The following ARID4A variants were observed in gnomAD, a reference collection of about 807,000 sequenced individuals.
The protein encoded by ARID4A is AT-rich interactive domain-containing protein 4A.
In ARID4A, 39 loss-of-function variants were observed where a neutral mutation model predicts 148.6. The observed-to-expected ratio is 0.26, with a 90% CI of 0.20 to 0.34. ARID4A has a LOEUF of 0.34. ARID4A is among the 10% of genes least tolerant of loss of function. ARID4A has a pLI of 1.00. For missense variants in ARID4A, 1,265 were observed against 1,449.1 expected (o/e 0.87, Z 2.06); for synonymous variants, 475 against 481.2 (o/e 0.99, Z 0.17).
In ARID4A at chr14:58,306,110, T is replaced by G. The variant is rs780349272; in HGVS notation, c.272T>G (p.Val91Gly). 6.2e-7 allele frequency: 1 copy of G among 1,609,224 alleles called. No homozygotes were observed. The highest frequency in any genetic ancestry group is 8.5e-7 in the Non-Finnish European group (1 of 1,175,884). The change falls in exon 5 of 24, where the codon GTG (valine) becomes GGG (glycine). Residue 91 changes from valine (V) to glycine (G), a missense_variant and splice_region_variant. Around this residue, in one of 9 missense-constraint regions of ARID4A, gnomAD observed 21 missense variants for 36.5 expected, o/e 0.58. Coordinates refer to ENST00000355431, the MANE Select transcript of ARID4A (RefSeq NM_002892.4). ...TTGACAGATGCTAGTTGGTATACCG[T>G]GGGTAAGTAATTAAGTAATTTAACA... is the stretch of plus-strand genomic sequence containing the variant. ...SKLTDASWYT[V>G]VFDDGDERTL...
intron 22 of ARID4A, 105 bp from the exon 23 acceptor site, chr14:58,366,778 A>T: frequency 1.1e-6 from 1 of 895,918 alleles, no homozygotes; most frequent in Non-Finnish European, 1.6e-6. Flanking sequence ...ATTTTAATAA[A>T]CTAAAGCTTT....
intron 5 of ARID4A, among the ~76,000 whole-genome samples, chr14:58,311,788 A>G (rs930258709): frequency 1.6e-4 from 25 of 152,198 alleles, no homozygotes; most frequent in African/African-American, 5.5e-4. Flanking sequence ...ATTTCTTACA[A>G]CATGGTTGAA....
chr14:58,327,502 C>G (rs543536413), intron 8 of ARID4A, among the ~76,000 whole-genome samples: 6 of 151,054 alleles, frequency 4.0e-5, no homozygotes, highest in Middle Eastern at 3.4e-3. Context: ...AAAAAGGTAA[C>G]ATAGATTTTT....
At chr14:58,302,834 C>T (rs1169756901) in intron 3 of ARID4A, among the ~76,000 whole-genome samples, 1 of 152,020 alleles carries the variant, frequency 6.6e-6, no homozygotes, top group African/African-American at 2.4e-5. Context: ...GTGGCAGGCA[C>T]CTGTGGTCCC....
chr14:58,347,160 G>A (rs1420696086), intron 14 of ARID4A, 43 bp downstream of exon 14: 3 of 1,099,948 alleles, frequency 2.7e-6, no homozygotes, highest in Non-Finnish European at 3.9e-6. Context: ...ATATTTATAG[G>A]AAATATTTTC....
At chr14:58,334,009 T>TA (rs1174313559) in intron 11 of ARID4A, among the ~76,000 whole-genome samples, 2 of 152,158 alleles carry the variant, frequency 1.3e-5, no homozygotes, top group African/African-American at 4.8e-5. Context: ...GCTAAAATCT[T>TA]AAAGTTTAGC....
chr14:58,323,485 T>A lies in ARID4A; in HGVS notation c.450T>A (p.Val150=). The change falls in exon 8 of 24, where the codon GTT becomes GTA. Residue 150 remains valine (V), a splice_region_variant and synonymous_variant. Transcript: ENST00000355431. Reference sequence around the variant, plus strand: ...ATGATCAAGTTATTCTAACTTTTAGTACTGAAGATGAAAAGGAAGAAGAAA... The same window carrying A: ...ATGATCAAGTTATTCTAACTTTTAGAACTGAAGATGAAAAGGAAGAAGAAA... ...TNRGRRSSLP[V]TEDEKEEESS... 1 of 1,606,890 alleles carries A rather than the reference T, an allele frequency of 6.2e-7. No homozygotes were observed.
intron 23 of ARID4A, among the ~76,000 whole-genome samples, chr14:58,368,726 G>GTACAA (rs2035469031): frequency 1.3e-5 from 2 of 151,990 alleles, no homozygotes; most frequent in African/African-American, 2.4e-5. Flanking sequence ...GAAATATCTT[G>GTACAA]GTGATGGGAC....
At position 58,306,005 on chromosome 14, in the gene ARID4A, G is replaced by A. The variant is rs1468132481; in HGVS notation, c.184-17G>A. On this transcript the variant is annotated splice_polypyrimidine_tract_variant and intron_variant, in intron 4 of 23. Coordinates refer to ENST00000355431, the MANE Select transcript of ARID4A (RefSeq NM_002892.4). ...TTTGTTTAAATTTGGTAAGGAAATT[G>A]GGATTTCACATTTTAGGTTGGAGCT... 4.4e-6 allele frequency: 7 copies of A among 1,598,726 alleles called. No homozygotes were observed. The highest frequency in any genetic ancestry group is 1.3e-5 in the African/African-American group (1 of 74,680).
intron 11 of ARID4A, among the ~76,000 whole-genome samples, chr14:58,333,831 C>T (rs895982967): frequency 1.3e-5 from 2 of 151,994 alleles, no homozygotes; most frequent in Non-Finnish European, 2.9e-5. Context: ...CTTAGGAAAT[C>T]CATGCTAAAT....
chr14:58,313,820 A>C (rs750557970), intron 5 of ARID4A, among the ~76,000 whole-genome samples: 16 of 152,228 alleles, frequency 1.1e-4, no homozygotes, highest in Non-Finnish European at 1.9e-4. Flanking sequence ...CAGAAGGAGA[A>C]GAGTGTCCCA....
rs577419480 is a variant in ARID4A, at chr14:58,346,577, T to G, written c.1074+72T>G. On this transcript the variant is annotated intron_variant, in intron 13 of 23. Transcript: ENST00000355431. ...GTTAAGTTATCTTATATTGCATTAT[T>G]ATATGCACATTGGATAATAAATACA... is the stretch of plus-strand genomic sequence containing the variant. 424 of 908,090 alleles carry G rather than the reference T, an allele frequency of 4.7e-4. 1 individual carries two copies. The South Asian group carries it at 5.0e-3, about 11-fold the overall frequency. The allele number at this position is 908,090 out of a possible 1,614,324, so 56.3% of individuals were successfully genotyped here.
intron 15 of ARID4A, among the ~76,000 whole-genome samples, chr14:58,348,508 A>G (rs994426700): frequency 1.3e-5 from 2 of 152,168 alleles, no homozygotes; most frequent in Non-Finnish European, 2.9e-5. Context: ...TGATGCGTAC[A>G]TGTATGCTGG....
rs199876316 is a variant in ARID4A at position 58,329,618 on chromosome 14, G to C, written c.739+14G>C. On this transcript the variant is annotated intron_variant, in intron 10 of 23. Coordinates refer to ENST00000355431, the MANE Select transcript of ARID4A (RefSeq NM_002892.4). ...CCACTAAACCAGGTAAAATAAAGAT[G>C]AATTACCCTATTATTTTATGTTGTG... is the stretch of plus-strand genomic sequence containing the variant. 212 of 1,560,426 alleles carry C rather than the reference G, an allele frequency of 1.4e-4. No individual in the cohort carries two copies. The highest frequency in any genetic ancestry group is 1.8e-4 in the Non-Finnish European group (205 of 1,131,768).
At chr14:58,307,198 A>G (rs1353400460) in intron 5 of ARID4A, among the ~76,000 whole-genome samples, 3 of 152,178 alleles carry the variant, frequency 2.0e-5, no homozygotes, top group Non-Finnish European at 2.9e-5. Flanking sequence ...TTTAAGTGGT[A>G]TAATTATTTT....
At position 58,365,617 on chromosome 14, in the gene ARID4A, G is replaced by A. The variant is rs1445289474; in HGVS notation, c.3311G>A (p.Gly1104Glu). ...GCTGCAGCCAAAAATGAAAAGAATGGAACAGGTTGGTGTCTTTCAATGCTA... is the reference window on the plus strand; with the variant it reads ...GCTGCAGCCAAAAATGAAAAGAATGAAACAGGTTGGTGTCTTTCAATGCTA... ...TSAAAKNEKN[G>E]TGQSSDSEDL... Residue 1104 changes from glycine to glutamate, a missense_variant, in exon 21 of 24, where the codon GGA becomes GAA. Physicochemically the swap from Gly to Glu is moderately conservative, Grantham distance 98 (BLOSUM62 -2). Coordinates refer to ENST00000355431, the MANE Select transcript of ARID4A (RefSeq NM_002892.4). 1 of 1,612,246 alleles carries A rather than the reference G, an allele frequency of 6.2e-7. No individual in the cohort carries two copies. Among genetic ancestry groups the A allele is most frequent in the Non-Finnish European group, 8.5e-7 (1 of 1,179,150 alleles).
chr14:58,298,931 CG>C (rs1248233600), intron 1 of ARID4A, among the ~76,000 whole-genome samples: 2 of 152,278 alleles, frequency 1.3e-5, no homozygotes, highest in East Asian at 3.9e-4. Context: ...CTCGGGTTCC[CG>C]GGAAAATGGC....
chr14:58,347,392 G>T (rs2034424974), intron 14 of ARID4A, among the ~76,000 whole-genome samples: 1 of 152,110 alleles, frequency 6.6e-6, no homozygotes. Context: ...CTTTTGGGGT[G>T]AACAGCCTTC....
chr14:58,355,282 A>G (rs1484210655), intron 17 of ARID4A, among the ~76,000 whole-genome samples: 1 of 152,182 alleles, frequency 6.6e-6, no homozygotes, highest in African/African-American at 2.4e-5. Context: ...CCTATTTTGT[A>G]GAGGTGTTGT....
Sources: gnomAD v4.1 joint callset for allele counts (sites outside exome capture counted in the v4.1 genomes callset) on GRCh38, gnomAD v4.1.1 for gene constraint, gnomAD v4.1.1 regional missense constraint, MANE v1.5 for transcripts, NCBI Gene and HGNC (gene_info 2026-07-23, HGNC 2026-07-21) for gene names.